The following SATB2 variants were observed in gnomAD, a reference collection of about 807,000 sequenced individuals.
SATB2 encodes the protein SATB homeobox 2.
In SATB2, 1 loss-of-function variant was observed where a neutral mutation model predicts 73.4. The observed-to-expected ratio is 0.01, with a 90% CI of 0.00 to 0.06. The LOEUF (loss-of-function observed/expected upper bound fraction) is 0.06. Ranked by LOEUF, SATB2 falls within the 10% of genes least tolerant of loss-of-function variation. The probability of loss-of-function intolerance (pLI) is 1.00; values close to 1 mark genes in which losing one functional copy is unlikely to be tolerated. For missense variants in SATB2, 459 were observed against 945.8 expected (o/e 0.49, Z 6.75); for synonymous variants, 397 against 367.0 (o/e 1.08, Z -0.93).
At chr2:199,317,820 T>C (rs868841270) in intron 9 of SATB2, among the ~76,000 whole-genome samples, 6 of 152,070 alleles carry the variant, frequency 3.9e-5, no homozygotes, top group Admixed American at 6.6e-5. Flanking sequence ...AGGGCTCAAC[T>C]TGACGCTCGC....
chr2:199,321,650 T>G (rs553589838), intron 9 of SATB2, among the ~76,000 whole-genome samples: 2 of 152,032 alleles, frequency 1.3e-5, no homozygotes, highest in South Asian at 4.2e-4. Context: ...ATCATGCAAT[T>G]GATTTCACTA....
chr2:199,270,857 G>T lies in SATB2; in HGVS notation c.*1354C>A, dbSNP rs867019611. 1 of 152,258 alleles carries T rather than the reference G, an allele frequency of 6.6e-6. No individual in the cohort carries two copies. Among genetic ancestry groups the T allele is most frequent in the South Asian group, 2.1e-4 (1 of 4,830 alleles). The allele number at this position is 152,258 out of a possible 1,614,324, so 9.4% of individuals were successfully genotyped here. A position where few individuals can be genotyped will look rare whatever the true frequency, so the allele number is the denominator to read the frequency against. On this transcript the variant is annotated 3_prime_UTR_variant, in exon 11 of 11. Transcript: ENST00000417098. Reference sequence around the variant, plus strand: ...ACTCTATTGCCTGGAGCTGCACAACGATTCAAAAACAGTTCTTGTTAGGGC... The same window carrying T: ...ACTCTATTGCCTGGAGCTGCACAACTATTCAAAAACAGTTCTTGTTAGGGC...
At chr2:199,274,788 C>T (rs1253207996) in intron 10 of SATB2, among the ~76,000 whole-genome samples, 1 of 134,874 alleles carries the variant, frequency 7.4e-6, no homozygotes, top group African/African-American at 2.9e-5. Flanking sequence ...AGCTCCGTTA[C>T]TTTAGCATCC....
At chr2:199,470,808 A>G (rs371118656) in intron 1 of SATB2, 1 of 152,338 alleles carries the variant, frequency 6.6e-6, no homozygotes, top group East Asian at 1.9e-4. Context: ...GCGCACGGGA[A>G]TTGCACCCTT....
chr2:199,461,330 C>A (rs1377770653), upstream of SATB2, among the ~76,000 whole-genome samples: 1 of 152,032 alleles, frequency 6.6e-6, no homozygotes, highest in Non-Finnish European at 1.5e-5. Flanking sequence ...GGTTTAATTT[C>A]GACAATAAGA....
chr2:199,341,939 A>C (rs1688518241), intron 7 of SATB2, among the ~76,000 whole-genome samples: 1 of 152,196 alleles, frequency 6.6e-6, no homozygotes, highest in South Asian at 2.1e-4. Context: ...TCCCAGCTTC[A>C]GCCTGGTCCT....
At chr2:199,393,912 GT>G (rs1280764409) in intron 3 of SATB2, among the ~76,000 whole-genome samples, 4 of 152,048 alleles carry the variant, frequency 2.6e-5, no homozygotes, top group Admixed American at 1.3e-4. Flanking sequence ...GCTCAATCAG[GT>G]TTTTTTAAAC....
chr2:199,355,338 G>A (rs62178573), intron 6 of SATB2, among the ~76,000 whole-genome samples: 2 of 88,094 alleles, frequency 2.3e-5, no homozygotes, highest in East Asian at 4.9e-4. Context: ...GTGTGTGTGT[G>A]TGTGTGTATC....
intron 3 of SATB2, among the ~76,000 whole-genome samples, chr2:199,428,173 T>C (rs932047320): frequency 8.5e-5 from 13 of 152,210 alleles, no homozygotes; most frequent in African/African-American, 3.1e-4. Flanking sequence ...GCAAGAATTA[T>C]GTATTTGAAA....
Position 199,295,115 on chromosome 2 carries a change from C to A in SATB2, c.1740+13645G>T, listed in dbSNP as rs983207639. 2.1e-4 allele frequency among the ~76,000 whole-genome samples: 32 copies of A among 152,052 alleles called. No individual in the cohort carries two copies. In the East Asian group the frequency reaches 2.7e-3, roughly 13 times the overall value. ...TTGTACGCTGCATAAGAAAGAAATA[C>A]AAAGATAAACATGTTTGAACATGAA... On this transcript the variant is annotated intron_variant, in intron 10 of 10. Coordinates refer to ENST00000417098, the MANE Select transcript of SATB2 (RefSeq NM_001172509.2).
intron 6 of SATB2, among the ~76,000 whole-genome samples, chr2:199,360,038 T>C (rs1349108924): frequency 6.6e-6 from 1 of 152,222 alleles, no homozygotes; most frequent in Non-Finnish European, 1.5e-5. Flanking sequence ...GCATTTATAG[T>C]TAAAGTGCTT....
At chr2:199,419,963 T>G (rs1309351341) in intron 3 of SATB2, among the ~76,000 whole-genome samples, 2 of 152,154 alleles carry the variant, frequency 1.3e-5, no homozygotes, top group Non-Finnish European at 2.9e-5. Context: ...TTAATCTAGT[T>G]ATATTAGGTC....
At chr2:199,387,761 A>G (rs1399434076) in intron 3 of SATB2, among the ~76,000 whole-genome samples, 4 of 152,236 alleles carry the variant, frequency 2.6e-5, no homozygotes, top group Non-Finnish European at 4.4e-5. Context: ...TAATGTGTAC[A>G]GACCAAATAA....
intron 7 of SATB2, among the ~76,000 whole-genome samples, chr2:199,330,484 A>G (rs868013483): frequency 2.4e-4 from 36 of 152,270 alleles, no homozygotes; most frequent in Admixed American, 5.2e-4. Flanking sequence ...GTGTGTGTGC[A>G]TGCATGCATG....
chr2:199,356,734 C>G (rs188032640), intron 6 of SATB2, among the ~76,000 whole-genome samples: 109 of 152,172 alleles, frequency 7.2e-4, no homozygotes, highest in Non-Finnish European at 1.1e-3. Context: ...AAATGTTTCA[C>G]AAGTGCTTTT....
chr2:199,457,825 C>A lies in SATB2; in HGVS notation c.-546G>T. On this transcript the variant is annotated 5_prime_UTR_variant, in exon 1 of 11. Transcript: ENST00000417098. This position sits in a 1 kb window ranked among gnomAD's most constrained non-coding sequence, Gnocchi z 4.8. Reference sequence around the variant, plus strand: ...CGGTGGGACCGGTAACACCAAGAGCCGAGAAGACGCAGGGACCCGGGACCG... The same window carrying A: ...CGGTGGGACCGGTAACACCAAGAGCAGAGAAGACGCAGGGACCCGGGACCG... 1 of 153,694 alleles carries A rather than the reference C, an allele frequency of 6.5e-6. No individual in the cohort carries two copies. Among genetic ancestry groups the A allele is most frequent in the South Asian group, 1.8e-4 (1 of 5,680 alleles). 9.5% of individuals were successfully genotyped at this position (153,694 alleles called of 1,614,324 possible). A position where few individuals can be genotyped will look rare whatever the true frequency, so the allele number is the denominator to read the frequency against.
intron 3 of SATB2, among the ~76,000 whole-genome samples, chr2:199,412,052 A>G (rs1008033482): frequency 6.6e-6 from 1 of 152,134 alleles, no homozygotes; most frequent in Non-Finnish European, 1.5e-5. Context: ...GAGGGTGGGG[A>G]GTGCGAGGAG....
At chr2:199,344,438 A>C (rs924022919) in intron 7 of SATB2, among the ~76,000 whole-genome samples, 26 of 152,204 alleles carry the variant, frequency 1.7e-4, no homozygotes, top group Non-Finnish European at 2.2e-4. Flanking sequence ...TCACGAGAGA[A>C]AGTGGAAGAG....
intron 6 of SATB2, among the ~76,000 whole-genome samples, chr2:199,365,572 A>C (rs1559006047): frequency 6.6e-6 from 1 of 152,184 alleles, no homozygotes. Context: ...TAACATGCTA[A>C]GCCAAACCAA....
Sources: allele counts gnomAD v4.1 joint callset (sites outside exome capture counted in the v4.1 genomes callset), GRCh38; gene constraint gnomAD v4.1.1; non-coding constraint Gnocchi (gnomAD v3.1); transcripts MANE v1.5; gene names NCBI Gene and HGNC (gene_info 2026-07-23, HGNC 2026-07-21).